The following NAV2 variants were observed in gnomAD, a reference collection of about 807,000 sequenced individuals.
The protein encoded by NAV2 is neuron navigator 2, also known as helicase, APC down-regulated 1.
NAV2 carries 54 observed loss-of-function variants against 223.2 expected under a neutral mutation model. The observed-to-expected ratio is 0.24, with a 90% CI of 0.19 to 0.30. NAV2 has a LOEUF of 0.30. Among genes scored for constraint, NAV2 ranks in the 10% least tolerant of loss-of-function variants. The pLI is 1.00. For missense variants in NAV2, 2,806 were observed against 3,147.5 expected (o/e 0.89, Z 2.60); for synonymous variants, 1,279 against 1,239.3 (o/e 1.03, Z -0.67).
At chr11:19,607,817 T>C (rs1475034989) in intron 1 of NAV2, among the ~76,000 whole-genome samples, 1 of 151,572 alleles carries the variant, frequency 6.6e-6, no homozygotes, top group African/African-American at 2.4e-5. Context: ...AGGTACATCA[T>C]GTCCTTTCGA....
chr11:20,068,297 T>G (rs745834547), intron 21 of NAV2, 27 bp from the exon 22 acceptor site: 3 of 1,612,578 alleles, frequency 1.9e-6, no homozygotes, highest in Admixed American at 1.7e-5. Context: ...CCCCAAAGCA[T>G]GTAACCCTCT....
At position 19,988,647 on chromosome 11, in the gene NAV2, T is replaced by C. The variant is rs568937200; in HGVS notation, c.2768+4400T>C. Among the ~76,000 whole-genome samples the C allele has an allele frequency of 6.6e-5, 10 of 152,314 alleles. No homozygotes were observed. The South Asian group carries it at 1.2e-3, about 19-fold the overall frequency. On this transcript the variant is annotated intron_variant, in intron 11 of 37. Transcript: ENST00000349880. Reference sequence around the variant, plus strand: ...GGATTCAGAGTCACTGTACAGACTTTCCAGGCTGCATCCAGGGCCTTGGCA... The same window carrying C: ...GGATTCAGAGTCACTGTACAGACTTCCCAGGCTGCATCCAGGGCCTTGGCA...
At chr11:19,888,750 A>G (rs1455464428) in intron 5 of NAV2, among the ~76,000 whole-genome samples, 2 of 151,750 alleles carry the variant, frequency 1.3e-5, no homozygotes, top group Admixed American at 6.6e-5. Context: ...TTTCCCCTGT[A>G]CTTTCTACAG....
At position 19,628,167 on chromosome 11, in the gene NAV2, G is replaced by A. The variant is rs116702252; in HGVS notation, c.76-204317G>A. ...TTGGCTCCCTGGATGCTCCCCATCC[G>A]GTCAGGAAGTGCCTCACAGCCTGAG... On this transcript the variant is annotated intron_variant, in intron 1 of 37. Transcript: ENST00000360655. Among the ~76,000 whole-genome samples, 717 of 152,242 alleles carry A rather than the reference G, an allele frequency of 4.7e-3. 3 individuals carry two copies. Among genetic ancestry groups the A allele is most frequent in the African/African-American group, 0.016 (665 of 41,534 alleles).
chr11:19,363,629 T>C (rs1854090141), intron 1 of NAV2, among the ~76,000 whole-genome samples: 1 of 152,150 alleles, frequency 6.6e-6, no homozygotes, highest in Admixed American at 6.5e-5. Flanking sequence ...GTCCTACAAT[T>C]CAATTCAATT....
At chr11:19,725,500 T>C (rs955593302) in intron 1 of NAV2, among the ~76,000 whole-genome samples, 17 of 152,108 alleles carry the variant, frequency 1.1e-4, no homozygotes, top group Admixed American at 6.5e-5. Flanking sequence ...TCAAAAGTAT[T>C]CCCTCTCTAA....
At chr11:19,877,921 C>T (rs770487475) in intron 4 of NAV2, among the ~76,000 whole-genome samples, 3 of 152,178 alleles carry the variant, frequency 2.0e-5, no homozygotes, top group East Asian at 3.9e-4. Flanking sequence ...CTGTGATTCT[C>T]ATGTACCACT....
chr11:19,828,421 T>C (rs2059759614), intron 1 of NAV2, among the ~76,000 whole-genome samples: 3 of 152,258 alleles, frequency 2.0e-5, no homozygotes, highest in African/African-American at 7.2e-5. Context: ...TAGGTACCTC[T>C]GTAAGTGGAA....
intron 1 of NAV2, among the ~76,000 whole-genome samples, chr11:19,573,136 T>C (rs1433770974): frequency 1.3e-5 from 2 of 152,288 alleles, no homozygotes; most frequent in South Asian, 2.1e-4. Flanking sequence ...GCCTAGAACA[T>C]TCTTACCTCC....
chr11:19,735,277 C>T (rs114689562), intron 1 of NAV2, among the ~76,000 whole-genome samples: 172 of 152,300 alleles, frequency 1.1e-3, no homozygotes, highest in African/African-American at 4.0e-3. Flanking sequence ...GAGCTTAGCA[C>T]GGGCCCCTGC....
chr11:20,011,195 T>A (rs114208701), intron 11 of NAV2, among the ~76,000 whole-genome samples: 37 of 152,220 alleles, frequency 2.4e-4, no homozygotes, highest in African/African-American at 8.2e-4. Flanking sequence ...AAAAAATGAG[T>A]TTTGGTGAGG....
intron 2 of NAV2, among the ~76,000 whole-genome samples, chr11:19,838,252 G>A (rs1046812699): frequency 3.3e-5 from 5 of 152,204 alleles, no homozygotes; most frequent in Admixed American, 2.6e-4. Context: ...GTGTAGTGAT[G>A]ATGGCATGGT....
chr11:19,346,521 C>T (rs1200523453), upstream of NAV2, among the ~76,000 whole-genome samples: 1 of 152,262 alleles, frequency 6.6e-6, no homozygotes, highest in Non-Finnish European at 1.5e-5. Context: ...TGAGCCGGCT[C>T]CTTTCTTGCC....
chr11:19,739,049 C>T (rs927770932), intron 1 of NAV2, among the ~76,000 whole-genome samples: 1 of 152,196 alleles, frequency 6.6e-6, no homozygotes, highest in Non-Finnish European at 1.5e-5. Context: ...GGCATAGTGG[C>T]ACACGCCTGT....
intron 11 of NAV2, among the ~76,000 whole-genome samples, chr11:19,987,168 T>C (rs7116833): frequency 0.013 from 2,002 of 152,302 alleles, 45 homozygotes; most frequent in African/African-American, 0.046. Flanking sequence ...ACAGGTGGTA[T>C]GTAGTTATAT....
chr11:19,766,196 C>G (rs1039935716), intron 1 of NAV2, among the ~76,000 whole-genome samples: 1 of 152,100 alleles, frequency 6.6e-6, no homozygotes, highest in Non-Finnish European at 1.5e-5. Context: ...TGTAGTACTA[C>G]TCATTTGCAA....
intron 1 of NAV2, among the ~76,000 whole-genome samples, chr11:19,551,317 C>T (rs1033792560): frequency 6.6e-6 from 1 of 152,248 alleles, no homozygotes; most frequent in Non-Finnish European, 1.5e-5. Flanking sequence ...GGGGTCAGGA[C>T]CACGTATTTT....
intron 11 of NAV2, among the ~76,000 whole-genome samples, chr11:20,004,866 G>C (rs1187462405): frequency 1.3e-5 from 2 of 152,130 alleles, no homozygotes; most frequent in African/African-American, 2.4e-5. Flanking sequence ...TAGCACAGTG[G>C]TTAAGAGCAA....
chr11:19,802,170 T>C (rs918308673), intron 1 of NAV2, among the ~76,000 whole-genome samples: 2 of 152,104 alleles, frequency 1.3e-5, no homozygotes, highest in Non-Finnish European at 2.9e-5. Context: ...TTCAATTCAG[T>C]GGGAGGAAGA....
Sources: gnomAD v4.1 joint callset for allele counts (sites outside exome capture counted in the v4.1 genomes callset) on GRCh38, gnomAD v4.1.1 for gene constraint, MANE v1.5 for transcripts, NCBI Gene and HGNC (gene_info 2026-07-23, HGNC 2026-07-21) for gene names.